Variants in IQCM observed in about 807,000 individuals in gnomAD.
IQCM encodes the protein IQ domain-containing protein M.
In IQCM, 45 loss-of-function variants were observed where a neutral mutation model predicts 57.6. The ratio of observed to expected loss-of-function variants is 0.78; its 90% CI spans 0.62 to 1.00. The LOEUF is 1.00. Ranked by LOEUF, IQCM falls within the 50% of genes least tolerant of loss-of-function variation. IQCM has a pLI of 0.00. For synonymous variants in IQCM, 148 were observed against 158.9 expected (o/e 0.93, Z 0.51); for missense variants, 468 against 511.6 (o/e 0.91, Z 0.82).
intron 12 of IQCM, among the ~76,000 whole-genome samples, chr4:149,453,881 T>C (rs1737394149): frequency 6.6e-6 from 1 of 151,848 alleles, no homozygotes; most frequent in Non-Finnish European, 1.5e-5. Flanking sequence ...CCATGAAATA[T>C]TAAAATATAT....
chr4:149,360,352 T>C (rs1367623260), intron 13 of IQCM, among the ~76,000 whole-genome samples: 1 of 152,196 alleles, frequency 6.6e-6, no homozygotes, highest in Admixed American at 6.5e-5. Flanking sequence ...ATTTAAAGTA[T>C]CCAAGAGGAC....
At chr4:149,688,601 C>T (rs1480524674) in intron 5 of IQCM, among the ~76,000 whole-genome samples, 1 of 151,840 alleles carries the variant, frequency 6.6e-6, no homozygotes, top group Non-Finnish European at 1.5e-5. Flanking sequence ...TTTTAAAAAA[C>T]AATTCTAAAA....
intron 9 of IQCM, 66 bp from the exon 10 acceptor site, chr4:149,563,956 A>C: frequency 1.4e-6 from 1 of 727,430 alleles, no homozygotes; most frequent in Non-Finnish European, 1.9e-6. Context: ...AACAGTTTTA[A>C]ATTATTTCAA....
At chr4:149,546,723 C>T (rs1264744553) in intron 12 of IQCM, among the ~76,000 whole-genome samples, 1 of 152,062 alleles carries the variant, frequency 6.6e-6, no homozygotes, top group Non-Finnish European at 1.5e-5. Flanking sequence ...GATATTAGCC[C>T]TTTGTCAGAG....
chr4:149,710,702 A>C (rs1764495729), intron 5 of IQCM, among the ~76,000 whole-genome samples: 1 of 152,038 alleles, frequency 6.6e-6, no homozygotes, highest in Non-Finnish European at 1.5e-5. Flanking sequence ...CTCTCTATTT[A>C]TTTTTACTAG....
intron 8 of IQCM, among the ~76,000 whole-genome samples, chr4:149,616,103 C>A (rs1561063432): frequency 6.6e-6 from 1 of 151,874 alleles, no homozygotes; most frequent in Non-Finnish European, 1.5e-5. Context: ...TCTGGGTACA[C>A]ACCCAGAAGA....
intron 13 of IQCM, among the ~76,000 whole-genome samples, chr4:149,362,138 C>T (rs999693699): frequency 4.6e-5 from 7 of 152,110 alleles, no homozygotes; most frequent in Non-Finnish European, 7.3e-5. Flanking sequence ...TGGCCAATTT[C>T]TCCCATATGG....
intron 13 of IQCM, among the ~76,000 whole-genome samples, chr4:149,376,237 A>C (rs1037217891): frequency 6.6e-6 from 1 of 152,106 alleles, no homozygotes; most frequent in East Asian, 1.9e-4. Context: ...AGATCTCAAT[A>C]TTTTCTGCAG....
In IQCM at chr4:149,787,308, A is replaced by G. The variant is rs147686348; in HGVS notation, c.-49+28003T>C. ...TTGTTTTTTTTTTTAGAAGAAATAC[A>G]GGAATAAATAAAATAAAATAAAATA... is the stretch of plus-strand genomic sequence containing the variant. On this transcript the variant is annotated intron_variant, in intron 2 of 13. Coordinates refer to ENST00000636793, the MANE Select transcript of IQCM (RefSeq NM_001363507.2). Among the ~76,000 whole-genome samples the G allele has an allele frequency of 7.6e-3, 1,151 of 152,094 alleles. 6 individuals carry two copies. Among genetic ancestry groups the G allele is most frequent in the Non-Finnish European group, 0.013 (853 of 67,992 alleles).
intron 5 of IQCM, among the ~76,000 whole-genome samples, chr4:149,707,195 A>G (rs12503782): frequency 2.8e-4 from 43 of 152,182 alleles, no homozygotes; most frequent in Non-Finnish European, 4.9e-4. Flanking sequence ...TGGTAGTAGC[A>G]TTAGGCTATG....
At chr4:149,369,169 C>T (rs1395544512) in intron 13 of IQCM, among the ~76,000 whole-genome samples, 1 of 150,672 alleles carries the variant, frequency 6.6e-6, no homozygotes. Flanking sequence ...TTCAGCCTCC[C>T]GAGTAGCTGG....
At chr4:149,709,391 G>C (rs938040714) in intron 5 of IQCM, among the ~76,000 whole-genome samples, 1 of 152,036 alleles carries the variant, frequency 6.6e-6, no homozygotes, top group East Asian at 1.9e-4. Flanking sequence ...CTTTGTGCCT[G>C]CTTTACCCTG....
intron 5 of IQCM, among the ~76,000 whole-genome samples, chr4:149,701,764 T>C (rs1380631532): frequency 6.6e-6 from 1 of 152,000 alleles, no homozygotes; most frequent in African/African-American, 2.4e-5. Flanking sequence ...GATGGGAATT[T>C]TTGTTTCATT....
chr4:149,796,396 C>G (rs772860866), intron 2 of IQCM, among the ~76,000 whole-genome samples: 7 of 152,162 alleles, frequency 4.6e-5, no homozygotes, highest in African/African-American at 1.7e-4. Context: ...AGCCTCAGTA[C>G]AGTAGAATAC....
At chr4:149,572,404 A>C (rs532028490) in intron 9 of IQCM, among the ~76,000 whole-genome samples, 3 of 152,050 alleles carry the variant, frequency 2.0e-5, no homozygotes, top group Non-Finnish European at 4.4e-5. Flanking sequence ...CTCCTGCCTC[A>C]ATCTCCCAAG....
chr4:149,492,631 C>G (rs567536093), intron 12 of IQCM, among the ~76,000 whole-genome samples: 2 of 152,204 alleles, frequency 1.3e-5, no homozygotes, highest in East Asian at 3.9e-4. Context: ...CATTCTGTGT[C>G]ACTTAGTAGT....
At chr4:149,393,907 G>T (rs891591480) in intron 13 of IQCM, among the ~76,000 whole-genome samples, 17 of 151,982 alleles carry the variant, frequency 1.1e-4, no homozygotes, top group African/African-American at 4.1e-4. Context: ...TGGTAAGAAT[G>T]AGCAAAGAAA....
intron 7 of IQCM, among the ~76,000 whole-genome samples, chr4:149,636,107 A>G (rs781312949): frequency 6.6e-6 from 1 of 152,218 alleles, no homozygotes; most frequent in Non-Finnish European, 1.5e-5. Context: ...CAGACAGTCT[A>G]CAAAATAATG....
intron 5 of IQCM, among the ~76,000 whole-genome samples, chr4:149,708,887 G>A (rs373432840): frequency 6.6e-6 from 1 of 151,950 alleles, no homozygotes; most frequent in East Asian, 1.9e-4. Context: ...CTTGCCAATG[G>A]TATTAACAAC....
Sources: allele counts gnomAD v4.1 joint callset (sites outside exome capture counted in the v4.1 genomes callset), GRCh38; gene constraint gnomAD v4.1.1; transcripts MANE v1.5; gene names NCBI Gene and HGNC (gene_info 2026-07-23, HGNC 2026-07-21).